The following CDKAL1 variants were observed in gnomAD, a reference collection of about 807,000 sequenced individuals.
CDKAL1 encodes threonylcarbamoyladenosine tRNA methylthiotransferase.
In CDKAL1, 32 loss-of-function variants were observed where a neutral mutation model predicts 68.2. The ratio of observed to expected loss-of-function variants is 0.47; its 90% confidence interval spans 0.35 to 0.63. CDKAL1 has a LOEUF of 0.63. Ranked by LOEUF, CDKAL1 falls within the 30% of genes least tolerant of loss-of-function variation. The pLI, the probability that CDKAL1 is intolerant of heterozygous loss-of-function variation, is 0.00. For synonymous variants in CDKAL1, 234 were observed against 244.3 expected, an observed-to-expected ratio of 0.96 and a Z score of 0.39; for missense variants, 606 against 696.7, an observed-to-expected ratio of 0.87 and a Z score of 1.47.
chr6:21,117,473 A>G (rs1428777528), intron 13 of CDKAL1, among the ~76,000 whole-genome samples: 1 of 102,478 alleles, frequency 9.8e-6, no homozygotes, highest in African/African-American at 5.0e-5. Context: ...TCCTATCTCT[A>G]CCAAAAAAAA....
At chr6:20,810,392 TCACACACACACACACACACACA>T (rs59104508) in intron 8 of CDKAL1, among the ~76,000 whole-genome samples, 2,200 of 115,642 alleles carry the variant, frequency 0.019, 63 homozygotes, top group African/African-American at 0.063. Context: ...TCTCTCTCTG[TCACACACACACACACACACACA>T]CACACACACA....
intron 6 of CDKAL1, among the ~76,000 whole-genome samples, chr6:20,753,748 G>A (rs1774036914): frequency 7.3e-6 from 1 of 137,036 alleles, no homozygotes; most frequent in Non-Finnish European, 1.7e-5. Flanking sequence ...GAACATTTGT[G>A]TACAAGTTTT....
chr6:20,966,919 A>G (rs1581929423), intron 10 of CDKAL1, among the ~76,000 whole-genome samples: 1 of 152,010 alleles, frequency 6.6e-6, no homozygotes, highest in East Asian at 1.9e-4. Flanking sequence ...TTGTTTCTAT[A>G]TTCTTCCATT....
At chr6:20,687,382 C>A (rs1206216083) in intron 5 of CDKAL1, among the ~76,000 whole-genome samples, 3 of 152,022 alleles carry the variant, frequency 2.0e-5, no homozygotes, top group African/African-American at 7.2e-5. Flanking sequence ...TCGTCTTTTT[C>A]TTCTTACATG....
At chr6:21,227,453 A>G (rs897340611) in intron 15 of CDKAL1, among the ~76,000 whole-genome samples, 4 of 152,270 alleles carry the variant, frequency 2.6e-5, no homozygotes, top group African/African-American at 9.6e-5. Flanking sequence ...GTTTAAAAAT[A>G]GTATCATCAA....
At chr6:20,957,799 C>T (rs1020489773) in intron 10 of CDKAL1, among the ~76,000 whole-genome samples, 3 of 151,800 alleles carry the variant, frequency 2.0e-5, no homozygotes, top group Admixed American at 2.0e-4. Flanking sequence ...GGTGAAACCC[C>T]GTCTCTAGTA....
At chr6:20,796,818 A>G (rs530491682) in intron 8 of CDKAL1, among the ~76,000 whole-genome samples, 36 of 152,386 alleles carry the variant, frequency 2.4e-4, no homozygotes, top group African/African-American at 8.2e-4. Context: ...CAAATGTTAA[A>G]TGTATATGAA....
At chr6:20,902,651 T>C (rs1762054666) in intron 9 of CDKAL1, among the ~76,000 whole-genome samples, 2 of 152,164 alleles carry the variant, frequency 1.3e-5, no homozygotes, top group African/African-American at 4.8e-5. Flanking sequence ...ATTATCTACA[T>C]ATAGATTATA....
chr6:20,881,687 C>G (rs184359117), intron 9 of CDKAL1, among the ~76,000 whole-genome samples: 1 of 152,034 alleles, frequency 6.6e-6, no homozygotes, highest in African/African-American at 2.4e-5. Flanking sequence ...TGTGAAATGT[C>G]TTTCATATTT....
chr6:20,576,857 T>C (rs947609257), intron 4 of CDKAL1, among the ~76,000 whole-genome samples: 2 of 152,226 alleles, frequency 1.3e-5, no homozygotes, highest in Admixed American at 6.5e-5. Context: ...GTGGTCAGAA[T>C]GAATGGAATT....
intron 9 of CDKAL1, among the ~76,000 whole-genome samples, chr6:20,893,212 G>C (rs1256651471): frequency 1.3e-5 from 2 of 152,124 alleles, no homozygotes; most frequent in Non-Finnish European, 2.9e-5. Context: ...CTAATTCTTT[G>C]GGGTTTTGAC....
intron 2 of CDKAL1, among the ~76,000 whole-genome samples, chr6:20,541,874 G>T (rs1382222775): frequency 6.6e-6 from 1 of 152,220 alleles, no homozygotes; most frequent in Non-Finnish European, 1.5e-5. Context: ...TGGTCAGGCT[G>T]GTCATGAACT....
intron 5 of CDKAL1, among the ~76,000 whole-genome samples, chr6:20,691,253 A>G (rs751290206): frequency 1.3e-5 from 2 of 151,916 alleles, no homozygotes; most frequent in Non-Finnish European, 2.9e-5. Flanking sequence ...ATGAATTCAC[A>G]GTGGTGCCCT....
In CDKAL1 at chr6:20,828,274, G is replaced by T. The variant is rs186558390; in HGVS notation, c.639-17801G>T. ...GACAGAGTCTTGCTCTGTCACCCAG[G>T]CTGGTGTCCAGTGGCACAATCTCGG... On this transcript the variant is annotated intron_variant, in intron 8 of 15. Coordinates refer to ENST00000274695, the MANE Select transcript of CDKAL1 (RefSeq NM_017774.3). Among the ~76,000 whole-genome samples, 250 of 152,000 alleles carry T rather than the reference G, an allele frequency of 1.6e-3. 2 individuals carry two copies. Among genetic ancestry groups the T allele is most frequent in the African/African-American group, 5.3e-3 (220 of 41,468 alleles).
At chr6:21,138,884 G>T (rs9465971) in intron 13 of CDKAL1, among the ~76,000 whole-genome samples, 1 of 152,006 alleles carries the variant, frequency 6.6e-6, no homozygotes, top group South Asian at 2.1e-4. Flanking sequence ...TGTCTCCTCC[G>T]GCAGCAAGCT....
chr6:21,024,523 G>GCA (rs1486643410), intron 11 of CDKAL1, among the ~76,000 whole-genome samples: 6 of 151,896 alleles, frequency 4.0e-5, no homozygotes, highest in Non-Finnish European at 5.9e-5. Flanking sequence ...AAGAGAAAGG[G>GCA]CACAATTAAT....
chr6:21,092,097 A>G (rs1191660627), intron 12 of CDKAL1, among the ~76,000 whole-genome samples: 1 of 150,552 alleles, frequency 6.6e-6, no homozygotes, highest in Admixed American at 6.6e-5. Context: ...CATGTTAGCC[A>G]GGATGGTCTC....
At chr6:20,860,994 A>G (rs1255482612) in intron 9 of CDKAL1, among the ~76,000 whole-genome samples, 9 of 145,068 alleles carry the variant, frequency 6.2e-5, no homozygotes, top group African/African-American at 2.3e-4. Context: ...GGTTCTCTAC[A>G]ACCTCATCCT....
intron 8 of CDKAL1, among the ~76,000 whole-genome samples, chr6:20,822,361 A>G (rs1777321097): frequency 6.6e-6 from 1 of 152,158 alleles, no homozygotes; most frequent in East Asian, 1.9e-4. Context: ...CAGAATCTGA[A>G]AGTCCTACAA....
Sources: gnomAD v4.1 joint callset for allele counts (sites outside exome capture counted in the v4.1 genomes callset) on GRCh38, gnomAD v4.1.1 for gene constraint, MANE v1.5 for transcripts, NCBI Gene and HGNC (gene_info 2026-07-23, HGNC 2026-07-21) for gene names.